MOB3A: variants seen among roughly 807,000 people sequenced by gnomAD.
MOB3A encodes the protein MOB LAK.
MOB3A carries 17 observed loss-of-function variants against 17.8 expected under a neutral mutation model. That is an observed-to-expected ratio of 0.95 (90% CI 0.65 to 1.43). The LOEUF is 1.43. Among genes scored for constraint, MOB3A ranks in the 40% most tolerant of loss-of-function variants. MOB3A has a pLI of 0.00. For missense variants in MOB3A, 333 were observed against 310.8 expected, an observed-to-expected ratio of 1.07 and a Z score of -0.54; for synonymous variants, 124 against 133.2, an observed-to-expected ratio of 0.93 and a Z score of 0.48.
intron 1 of MOB3A, among the ~76,000 whole-genome samples, chr19:2,085,963 CAAAAAAAAAAAA>C (rs1036097194): frequency 3.0e-5 from 1 of 33,394 alleles, no homozygotes; most frequent in African/African-American, 1.3e-4. Context: ...GACTCTGTCT[CAAAAAAAAAAAA>C]AAAAAAAAAA....
intron 1 of MOB3A, among the ~76,000 whole-genome samples, chr19:2,090,749 C>T (rs1416017395): frequency 2.0e-5 from 3 of 151,982 alleles, no homozygotes; most frequent in East Asian, 1.9e-4. Flanking sequence ...CTGCAACCTC[C>T]GCCTACTGGG....
rs1014203187 is a variant in MOB3A, at chr19:2,078,634, G to A, written c.-74C>T. 20 of 1,433,518 alleles carry A rather than the reference G, an allele frequency of 1.4e-5. No homozygotes were observed. Among genetic ancestry groups the A allele is most frequent in the South Asian group, 5.6e-5 (4 of 71,704 alleles). 88.8% of individuals were successfully genotyped at this position (1,433,518 alleles called of 1,614,324 possible). On this transcript the variant is annotated 5_prime_UTR_variant, in exon 3 of 5. Transcript: ENST00000357066. Reference sequence around the variant, plus strand: ...GCTGGCTGGGGGTGCTGACCAACCCGAGAGGCCACGAAACACTCACCAAGC... The same window carrying A: ...GCTGGCTGGGGGTGCTGACCAACCCAAGAGGCCACGAAACACTCACCAAGC...
intron 3 of MOB3A, among the ~76,000 whole-genome samples, chr19:2,077,532 G>A (rs185161995): frequency 9.8e-5 from 15 of 152,316 alleles, no homozygotes; most frequent in African/African-American, 3.6e-4. Flanking sequence ...ACATCGAGCT[G>A]GGCAGGGGGT....
intron 4 of MOB3A, among the ~76,000 whole-genome samples, chr19:2,076,210 C>T (rs1418897446): frequency 6.6e-6 from 1 of 150,862 alleles, no homozygotes; most frequent in Non-Finnish European, 1.5e-5. Flanking sequence ...GGGCAAACCA[C>T]ATGGTCAGGA....
intron 2 of MOB3A, among the ~76,000 whole-genome samples, chr19:2,084,582 G>GT (rs1012892220): frequency 1.5e-4 from 23 of 149,472 alleles, no homozygotes; most frequent in Non-Finnish European, 2.4e-4. Flanking sequence ...ACAGCAGACG[G>GT]TTTTTTTTTT....
intron 2 of MOB3A, chr19:2,084,245 C>A (rs1266673560): frequency 2.2e-6 from 1 of 449,170 alleles, no homozygotes; most frequent in Non-Finnish European, 4.5e-6. Flanking sequence ...GTAATCCCTG[C>A]ACTTTGGGAG....
intron 4 of MOB3A, among the ~76,000 whole-genome samples, chr19:2,076,562 G>A (rs2017411462): frequency 6.6e-6 from 1 of 152,254 alleles, no homozygotes; most frequent in Non-Finnish European, 1.5e-5. Context: ...GGCGGAGTGA[G>A]CTGGACGCGG....
rs2017345139 is a variant in MOB3A at position 2,072,074 on chromosome 19, G to A, written c.*1321C>T. 6.6e-6 allele frequency: 1 copy of A among 152,246 alleles called. No individual in the cohort carries two copies. Among genetic ancestry groups the A allele is most frequent in the East Asian group, 1.9e-4 (1 of 5,200 alleles). The allele number at this position is 152,246 out of a possible 1,614,324, so 9.4% of individuals were successfully genotyped here. A position where few individuals can be genotyped will look rare whatever the true frequency, so the allele number is the denominator to read the frequency against. On this transcript the variant is annotated 3_prime_UTR_variant, in exon 5 of 5. Transcript: ENST00000357066. ...GGTGCCTGTAGTCCCAGCTGCTGGG[G>A]AGGCTGAGGCAGGAGAATGGCGTGA...
intron 4 of MOB3A, among the ~76,000 whole-genome samples, chr19:2,074,386 GAAAAAGA>G (rs1431508698): frequency 6.6e-6 from 1 of 151,364 alleles, no homozygotes; most frequent in African/African-American, 2.4e-5. Flanking sequence ...CAGAAAAAAA[GAAAAAGA>G]AAAAAGAAAA....
At position 2,082,671 on chromosome 19, in the gene MOB3A, C is replaced by A. The variant is rs543325808; in HGVS notation, c.-120+2504G>T. On this transcript the variant is annotated intron_variant, in intron 2 of 4. Coordinates refer to ENST00000357066, the MANE Select transcript of MOB3A (RefSeq NM_130807.3). The surrounding 1 kb of genome is among the most constrained non-coding windows in gnomAD (Gnocchi z 4.1). ...CACAAGCCTAGTGACACACGCTTCC[C>A]GGGCCAGCGCTGCTCCACCACGGGG... Among the ~76,000 whole-genome samples, 1 of 152,196 alleles carries A rather than the reference C, an allele frequency of 6.6e-6. No homozygotes were observed. The highest frequency in any genetic ancestry group is 1.5e-5 in the Non-Finnish European group (1 of 68,040).
intron 2 of MOB3A, among the ~76,000 whole-genome samples, chr19:2,080,212 C>T (rs2017469068): frequency 6.6e-6 from 1 of 152,126 alleles, no homozygotes; most frequent in Non-Finnish European, 1.5e-5. Context: ...ACGCAGGGTG[C>T]TGGGCAGGGC....
chr19:2,086,227 G>A (rs1375394650), intron 1 of MOB3A, among the ~76,000 whole-genome samples: 2 of 151,800 alleles, frequency 1.3e-5, no homozygotes, highest in South Asian at 2.1e-4. Flanking sequence ...TTTAGTAGAG[G>A]TGGGGTTTCG....
At chr19:2,079,001 C>T (rs1008803048) in intron 2 of MOB3A, among the ~76,000 whole-genome samples, 3 of 152,190 alleles carry the variant, frequency 2.0e-5, no homozygotes, top group East Asian at 1.9e-4. Flanking sequence ...CTCACATGAT[C>T]CTCTCACCTC....
At position 2,096,305 on chromosome 19, in the gene MOB3A, C is replaced by A; in HGVS notation, c.-353G>T. The A allele has an allele frequency of 6.3e-6, 1 of 158,734 alleles. No homozygotes were observed. The highest frequency in any genetic ancestry group is 1.5e-4 in the South Asian group (1 of 6,614). 9.8% of individuals were successfully genotyped at this position (158,734 alleles called of 1,614,324 possible). On this transcript the variant is annotated 5_prime_UTR_variant, in exon 1 of 5. Coordinates refer to ENST00000357066, the MANE Select transcript of MOB3A (RefSeq NM_130807.3). ...GGCCGCCTCAGCCGCCGCACCGCCT[C>A]GCAGCCGCCGCGGAGGGACACGGCC... is the stretch of plus-strand genomic sequence containing the variant.
chr19:2,094,253 T>A (rs552565170), intron 1 of MOB3A, among the ~76,000 whole-genome samples: 179 of 152,092 alleles, frequency 1.2e-3, no homozygotes, highest in Admixed American at 3.1e-3. Context: ...TTCACTGTGT[T>A]AGCCAGTATG....
In MOB3A at chr19:2,077,507, C is replaced by T. The variant is rs1415475260; in HGVS notation, c.422-494G>A. ...ACGTTTATGGGGTGTCCCTGAGAGC[C>T]ATGCAGTGCATTACACATCGAGCTG... On this transcript the variant is annotated intron_variant, in intron 3 of 4. Transcript: ENST00000357066. Among the ~76,000 whole-genome samples the T allele has an allele frequency of 2.0e-5, 3 of 152,200 alleles. No individual in the cohort carries two copies. The East Asian group carries it at 5.8e-4, about 29-fold the overall frequency.
At chr19:2,075,357 G>A (rs1004422091) in intron 4 of MOB3A, among the ~76,000 whole-genome samples, 1 of 152,224 alleles carries the variant, frequency 6.6e-6, no homozygotes, top group Non-Finnish European at 1.5e-5. Flanking sequence ...AAAGTTGTAA[G>A]AGAGTGGTGG....
chr19:2,075,644 C>T (rs937285590), intron 4 of MOB3A, among the ~76,000 whole-genome samples: 1 of 152,164 alleles, frequency 6.6e-6, no homozygotes, highest in Admixed American at 6.6e-5. Context: ...GCACCCACTC[C>T]ACTGCTGGTC....
At chr19:2,086,735 T>A (rs2144933357) in intron 1 of MOB3A, among the ~76,000 whole-genome samples, 1 of 152,326 alleles carries the variant, frequency 6.6e-6, no homozygotes, top group Middle Eastern at 3.4e-3. Context: ...GATGGCTGCG[T>A]CTTCCCTGAT....
Sources: gnomAD v4.1 joint callset for allele counts (sites outside exome capture counted in the v4.1 genomes callset) on GRCh38, gnomAD v4.1.1 for gene constraint, Gnocchi (gnomAD v3.1) non-coding constraint, MANE v1.5 for transcripts, NCBI Gene and HGNC (gene_info 2026-07-23, HGNC 2026-07-21) for gene names.